Variants in TRPM7 observed in about 807,000 individuals in gnomAD.
The protein encoded by TRPM7 is transient receptor potential cation channel subfamily M member 7, also known as LTRPC ion channel family member 7.
TRPM7 carries 134 observed loss-of-function variants against 229.7 expected under a neutral mutation model. That is an observed-to-expected ratio of 0.58 (90% CI 0.51 to 0.67). The LOEUF is 0.67. TRPM7 is among the 30% of genes least tolerant of loss of function. The pLI is 0.00. For missense variants in TRPM7, 1,901 were observed against 2,210.0 expected (o/e 0.86, Z 2.80); for synonymous variants, 699 against 715.2 (o/e 0.98, Z 0.36).
intron 29 of TRPM7, among the ~76,000 whole-genome samples, chr15:50,581,539 T>C (rs1262286479): frequency 3.3e-5 from 5 of 151,604 alleles, no homozygotes; most frequent in Admixed American, 2.0e-4. Flanking sequence ...TATATACATA[T>C]ACATATAAAC....
intron 9 of TRPM7, among the ~76,000 whole-genome samples, chr15:50,631,833 A>G (rs1432768269): frequency 6.6e-6 from 1 of 152,162 alleles, no homozygotes; most frequent in Non-Finnish European, 1.5e-5. Context: ...TAGATTCCTT[A>G]TCAGGGTAAA....
chr15:50,681,190 G>A (rs1411993661), intron 1 of TRPM7, among the ~76,000 whole-genome samples: 6 of 151,942 alleles, frequency 3.9e-5, no homozygotes, highest in African/African-American at 9.7e-5. Flanking sequence ...GGCAGAGGTT[G>A]CAGTGAGCCA....
intron 10 of TRPM7, among the ~76,000 whole-genome samples, chr15:50,630,517 AGT>A (rs34926912): frequency 0.079 from 12,096 of 152,192 alleles, 575 homozygotes; most frequent in South Asian, 0.12. Flanking sequence ...TAAGAGGATC[AGT>A]GTGTGTGTGC....
chr15:50,579,227 T>C (rs759385701), intron 30 of TRPM7, among the ~76,000 whole-genome samples: 6 of 152,048 alleles, frequency 3.9e-5, no homozygotes, highest in African/African-American at 9.7e-5. Context: ...GACACACAGG[T>C]AGAGTGGAAA....
intron 1 of TRPM7, among the ~76,000 whole-genome samples, chr15:50,669,338 A>G (rs2061943226): frequency 6.6e-6 from 1 of 152,072 alleles, no homozygotes; most frequent in African/African-American, 2.4e-5. Context: ...AGGAAGCTGA[A>G]GCAGCAGAAC....
intron 29 of TRPM7, 89 bp from the exon 30 acceptor site, chr15:50,580,997 T>C: frequency 1.5e-6 from 2 of 1,378,316 alleles, no homozygotes; most frequent in East Asian, 2.4e-5. Flanking sequence ...TTTTCTTATA[T>C]TTTAAGAATG....
intron 1 of TRPM7, among the ~76,000 whole-genome samples, chr15:50,685,291 C>G (rs1213980956): frequency 6.6e-6 from 1 of 152,210 alleles, no homozygotes; most frequent in Admixed American, 6.5e-5. Flanking sequence ...TGGTGAAACC[C>G]CGTCTCTACT....
At chr15:50,607,785 G>T (rs988983531) in intron 19 of TRPM7, among the ~76,000 whole-genome samples, 3 of 151,160 alleles carry the variant, frequency 2.0e-5, no homozygotes, top group Non-Finnish European at 2.9e-5. Context: ...GGTGGCTCAC[G>T]CCTGTAATCC....
chr15:50,613,616 A>G lies in TRPM7; in HGVS notation c.1770+91T>C. ...CCAAAAACGAAAGGTAATTCTTACT[A>G]AATCAATTAGTTTTTTTTGTTTAAT... On this transcript the variant is annotated intron_variant, in intron 15 of 38. Coordinates refer to ENST00000646667, the MANE Select transcript of TRPM7 (RefSeq NM_017672.6). 3.4e-6 allele frequency: 4 copies of G among 1,191,184 alleles called. No homozygotes were observed. In the South Asian group the frequency reaches 9.0e-5, roughly 27 times the overall value. 73.8% of individuals were successfully genotyped at this position (1,191,184 alleles called of 1,614,324 possible).
chr15:50,682,116 T>C (rs2140987660), intron 1 of TRPM7, among the ~76,000 whole-genome samples: 1 of 135,534 alleles, frequency 7.4e-6, no homozygotes. Context: ...AGGCACAGTT[T>C]GCAGTGAGCC....
intron 5 of TRPM7, among the ~76,000 whole-genome samples, chr15:50,643,034 G>C (rs199848513): frequency 6.6e-6 from 1 of 152,212 alleles, no homozygotes; most frequent in Non-Finnish European, 1.5e-5. Context: ...GCTAATGCCT[G>C]TAATCCCAGC....
chr15:50,646,369 A>G (rs1488775821), intron 4 of TRPM7, among the ~76,000 whole-genome samples: 3 of 152,112 alleles, frequency 2.0e-5, no homozygotes. Flanking sequence ...TGCAGCCTCA[A>G]CTTCTCAGGC....
rs1181093650 is a variant in TRPM7 at position 50,557,480 on chromosome 15, TA to T, written c.*4197del. ...GAGTGGGGAAAGTGGAACAAGGGAG[TA>T]ATTTTTATATTTTTCTTCACATTTA... is the stretch of plus-strand genomic sequence containing the variant. On this transcript the variant is annotated 3_prime_UTR_variant, in exon 39 of 39. Transcript: ENST00000646667. 6.6e-6 allele frequency: 1 copy of T among 151,960 alleles called. No homozygotes were observed. The highest frequency in any genetic ancestry group is 1.5e-5 in the Non-Finnish European group (1 of 68,012). 9.4% of individuals were successfully genotyped at this position (151,960 alleles called of 1,614,324 possible).
chr15:50,569,225 A>AG (rs1423033024), intron 38 of TRPM7, among the ~76,000 whole-genome samples: 1 of 152,060 alleles, frequency 6.6e-6, no homozygotes, highest in African/African-American at 2.4e-5. Flanking sequence ...AAAGTTCCAC[A>AG]GGGGACTATG....
intron 20 of TRPM7, among the ~76,000 whole-genome samples, chr15:50,606,927 TAAAAC>T (rs760064158): frequency 3.3e-5 from 5 of 152,028 alleles, no homozygotes; most frequent in African/African-American, 7.3e-5. Context: ...GTTCAGGAAA[TAAAAC>T]AAACAAACAA....
At chr15:50,664,371 C>T (rs1469549871) in intron 1 of TRPM7, among the ~76,000 whole-genome samples, 1 of 150,232 alleles carries the variant, frequency 6.7e-6, no homozygotes, top group Non-Finnish European at 1.5e-5. Context: ...CATTCCATTT[C>T]TAATATAAAT....
chr15:50,666,484 G>A (rs1463854090), intron 1 of TRPM7, among the ~76,000 whole-genome samples: 1 of 151,290 alleles, frequency 6.6e-6, no homozygotes, highest in African/African-American at 2.4e-5. Context: ...GGAAGAAGAG[G>A]AAGAAGAAAA....
intron 1 of TRPM7, among the ~76,000 whole-genome samples, chr15:50,682,622 A>G (rs989453748): frequency 3.9e-5 from 6 of 152,144 alleles, no homozygotes; most frequent in African/African-American, 1.4e-4. Flanking sequence ...ATCCAAAATT[A>G]ACTGTACCAA....
At chr15:50,640,888 A>C (rs1184432840) in intron 5 of TRPM7, among the ~76,000 whole-genome samples, 2 of 152,160 alleles carry the variant, frequency 1.3e-5, no homozygotes, top group Non-Finnish European at 2.9e-5. Context: ...CCAAAGAGAG[A>C]GGCCCCAAGA....
Sources: allele counts gnomAD v4.1 joint callset (sites outside exome capture counted in the v4.1 genomes callset), GRCh38; gene constraint gnomAD v4.1.1; transcripts MANE v1.5; gene names NCBI Gene and HGNC (gene_info 2026-07-23, HGNC 2026-07-21).